The following IL10RB variants were observed in gnomAD, a reference collection of about 807,000 sequenced individuals.
The protein encoded by IL10RB is interleukin 10 receptor subunit beta.
A neutral mutation model predicts 38.7 loss-of-function variants in IL10RB; 30 were observed. The ratio of observed to expected loss-of-function variants is 0.78; its 90% confidence interval spans 0.58 to 1.05. The LOEUF is 1.05. Ranked by LOEUF, IL10RB falls within the 50% of genes least tolerant of loss-of-function variation. The probability of loss-of-function intolerance (pLI) is 0.00; values close to 1 mark genes in which losing one functional copy is unlikely to be tolerated. For synonymous variants in IL10RB, 142 were observed against 145.9 expected (o/e 0.97, Z 0.19); for missense variants, 328 against 397.1 (o/e 0.83, Z 1.48).
intron 1 of IL10RB, among the ~76,000 whole-genome samples, chr21:33,303,480 G>A (rs1361804529): frequency 6.7e-6 from 1 of 149,328 alleles, no homozygotes; most frequent in Non-Finnish European, 1.5e-5. Flanking sequence ...TCAACCTCCC[G>A]AGTAGCTGGG....
chr21:33,294,390 C>CAT (rs1555870173), intron 6 of IL10RB, among the ~76,000 whole-genome samples: 7 of 148,990 alleles, frequency 4.7e-5, no homozygotes, highest in South Asian at 4.2e-4. Flanking sequence ...TGTGTGTGTG[C>CAT]GTGTGTGTGT....
At chr21:33,291,310 G>A (rs1989482692) in intron 6 of IL10RB, among the ~76,000 whole-genome samples, 1 of 151,854 alleles carries the variant, frequency 6.6e-6, no homozygotes, top group Non-Finnish European at 1.5e-5. Context: ...CTGTCACCCA[G>A]GCTGGAGTGG....
Position 33,296,448 on chromosome 21 carries a change from C to A in IL10RB, c.*91C>A. 1.6e-6 allele frequency: 2 copies of A among 1,238,510 alleles called. No homozygotes were observed. Among genetic ancestry groups the A allele is most frequent in the Non-Finnish European group, 2.3e-6 (2 of 864,006 alleles). 76.7% of individuals were successfully genotyped at this position (1,238,510 alleles called of 1,614,324 possible). On this transcript the variant is annotated 3_prime_UTR_variant, in exon 7 of 7. Coordinates refer to ENST00000290200, the MANE Select transcript of IL10RB (RefSeq NM_000628.5). ...AGGGATCAGGGCAGCAAACAAGGGCCAAGACCATCTGAGCCAGCCCCACAT... is the reference window on the plus strand; with the variant it reads ...AGGGATCAGGGCAGCAAACAAGGGCAAAGACCATCTGAGCCAGCCCCACAT...
intron 5 of IL10RB, among the ~76,000 whole-genome samples, chr21:33,285,111 G>A (rs2850003): frequency 0.37 from 56,435 of 151,854 alleles, 11,282 homozygotes; most frequent in Non-Finnish European, 0.45. Context: ...GGCTGGTCTC[G>A]AACTCCTGAC....
At chr21:33,270,879 T>G (rs1160666737) in intron 2 of IL10RB, among the ~76,000 whole-genome samples, 1 of 151,734 alleles carries the variant, frequency 6.6e-6, no homozygotes, top group Non-Finnish European at 1.5e-5. Flanking sequence ...TTCACCATGT[T>G]GGCCGAGCTG....
chr21:33,267,295 T>C (rs1431138779), intron 1 of IL10RB, among the ~76,000 whole-genome samples: 1 of 151,854 alleles, frequency 6.6e-6, no homozygotes, highest in East Asian at 1.9e-4. Context: ...TTTTCTCTCC[T>C]TCCCTGGCAC....
At chr21:33,309,667 G>A (rs2083007279) in exon 2 of IL10RB, 1 of 152,218 alleles carries the variant, frequency 6.6e-6, no homozygotes, top group Non-Finnish European at 1.5e-5. Flanking sequence ...TACCTCTGCA[G>A]CTTTACTCTT....
chr21:33,297,429 T>C (rs1399473980), downstream of IL10RB, among the ~76,000 whole-genome samples: 1 of 143,228 alleles, frequency 7.0e-6, no homozygotes, highest in Non-Finnish European at 1.5e-5. Flanking sequence ...AGATCCGTTA[T>C]TAAAAAAAAA....
intron 2 of IL10RB, 27 bp from the exon 3 acceptor site, chr21:33,276,569 G>T: frequency 6.2e-7 from 1 of 1,605,832 alleles, no homozygotes; most frequent in Non-Finnish European, 8.5e-7. Context: ...GAACTCTCCT[G>T]ATTGACCTAT....
intron 1 of IL10RB, among the ~76,000 whole-genome samples, chr21:33,306,478 T>C (rs2082999086): frequency 6.6e-6 from 1 of 152,212 alleles, no homozygotes. Flanking sequence ...ATTGTTTAAA[T>C]ACTCGAGGAA....
intron 5 of IL10RB, 21 bp from the exon 6 acceptor site, chr21:33,288,083 C>A: frequency 6.2e-7 from 1 of 1,613,230 alleles, no homozygotes; most frequent in Non-Finnish European, 8.5e-7. Flanking sequence ...AAGAATGTAA[C>A]ATGCCCATTA....
chr21:33,278,227 A>G (rs1250243795), intron 3 of IL10RB, among the ~76,000 whole-genome samples: 3 of 151,978 alleles, frequency 2.0e-5, no homozygotes, highest in Non-Finnish European at 4.4e-5. Flanking sequence ...TCTCAAAAAA[A>G]GAAGTGTCTC....
intron 6 of IL10RB, among the ~76,000 whole-genome samples, chr21:33,291,668 G>T (rs980561320): frequency 6.6e-6 from 1 of 152,186 alleles, no homozygotes; most frequent in African/African-American, 2.4e-5. Flanking sequence ...GGCCCTGCAG[G>T]ACACGAACAG....
rs753650110 is a variant in IL10RB at position 33,268,466 on chromosome 21, A to G, written c.122A>G (p.Glu41Gly). The G allele has an allele frequency of 2.5e-6, 4 of 1,614,042 alleles. No homozygotes were observed. In the Admixed American group the frequency reaches 6.7e-5, roughly 27 times the overall value. Residue 41 changes from glutamate to glycine, a missense_variant, in exon 2 of 7, where the codon GAG (glutamate) becomes GGG (glycine). Physicochemically the swap from Glu to Gly is moderately conservative, Grantham distance 98 (BLOSUM62 -2). Transcript: ENST00000290200. The part of the protein sequence containing the change: ...SVNFKNILQW[E>G]SPAFAKGNLT... ...AATTTCAAGAACATTCTACAGTGGG[A>G]GTCACCTGCTTTTGCCAAAGGGAAC...
chr21:33,296,346 C>A lies in IL10RB; in HGVS notation c.967C>A (p.Pro323Thr), dbSNP rs1210461168. 1.2e-6 allele frequency: 2 copies of A among 1,613,360 alleles called. No individual in the cohort carries two copies. Among genetic ancestry groups the A allele is most frequent in the African/African-American group, 2.7e-5 (2 of 74,926 alleles). The part of the protein sequence containing the change: ...CSLGTPPGQG[P>T]QS ...CCTCGGGACCCCGCCTGGGCAGGGG[C>A]CCCAAAGCTAGGCTCTGAGAAGGAA... is the stretch of plus-strand genomic sequence containing the variant. The change falls in exon 7 of 7, where the codon CCC becomes ACC. Residue 323 changes from proline to threonine, a missense_variant. Coordinates refer to ENST00000290200, the MANE Select transcript of IL10RB (RefSeq NM_000628.5).
chr21:33,291,608 G>GATCCTGT (rs1989488540), intron 6 of IL10RB, among the ~76,000 whole-genome samples: 1 of 152,118 alleles, frequency 6.6e-6, no homozygotes, highest in African/African-American at 2.4e-5. Context: ...CACCTAACAG[G>GATCCTGT]ATCCTCTACC....
intron 6 of IL10RB, among the ~76,000 whole-genome samples, chr21:33,291,471 G>A (rs1047790032): frequency 7.9e-5 from 12 of 152,086 alleles, no homozygotes; most frequent in Non-Finnish European, 1.3e-4. Context: ...TCCCCATGTT[G>A]GCCAGGCTGG....
chr21:33,283,141 G>T lies in IL10RB; in HGVS notation c.546G>T (p.Glu182Asp), dbSNP rs1275748733. Reference sequence around the variant, plus strand: ...ACTTTGAGGTCCTCAGAAACCTGGAGCCATGGACAACTTATTGTGTTCAAG... The same window carrying T: ...ACTTTGAGGTCCTCAGAAACCTGGATCCATGGACAACTTATTGTGTTCAAG... ...QYDFEVLRNLEPWTTYCVQVR... is the reference protein window; with the variant it reads ...QYDFEVLRNLDPWTTYCVQVR... The change falls in exon 5 of 7, where the codon GAG becomes GAT. Residue 182 changes from glutamate (E) to aspartate (D), a missense_variant. By Grantham distance (45) the Glu-to-Asp change is conservative. Coordinates refer to ENST00000290200, the MANE Select transcript of IL10RB (RefSeq NM_000628.5). 1 of 1,613,862 alleles carries T rather than the reference G, an allele frequency of 6.2e-7. No homozygotes were observed. The highest frequency in any genetic ancestry group is 2.2e-5 in the East Asian group (1 of 44,888).
intron 2 of IL10RB, among the ~76,000 whole-genome samples, chr21:33,272,848 T>C (rs1483508315): frequency 1.3e-5 from 2 of 152,220 alleles, no homozygotes; most frequent in African/African-American, 4.8e-5. Flanking sequence ...GAGATTGTAT[T>C]TCCCTAGCAT....
Sources: allele counts gnomAD v4.1 joint callset (sites outside exome capture counted in the v4.1 genomes callset), GRCh38; gene constraint gnomAD v4.1.1; transcripts MANE v1.5; gene names NCBI Gene and HGNC (gene_info 2026-07-23, HGNC 2026-07-21).